Variants in TENM2 observed in about 807,000 individuals in gnomAD.
The protein encoded by TENM2 is teneurin-2.
A neutral mutation model predicts 245.2 loss-of-function variants in TENM2; 52 were observed. The ratio of observed to expected loss-of-function variants is 0.21; its 90% CI spans 0.17 to 0.27. The LOEUF (loss-of-function observed/expected upper bound fraction) is 0.27. Ranked by LOEUF, TENM2 falls within the 10% of genes least tolerant of loss-of-function variation. The probability of loss-of-function intolerance (pLI) is 1.00; values close to 1 mark genes in which losing one functional copy is unlikely to be tolerated. For synonymous variants in TENM2, 1,363 were observed against 1,438.9 expected (o/e 0.95, Z 1.19); for missense variants, 3,046 against 3,666.8 (o/e 0.83, Z 4.37).
chr5:168,082,981 G>A (rs772236615), intron 7 of TENM2, among the ~76,000 whole-genome samples: 9 of 152,190 alleles, frequency 5.9e-5, no homozygotes, highest in Non-Finnish European at 1.2e-4. Flanking sequence ...CTTCATAGCT[G>A]TCAGACAGGG....
At chr5:167,318,997 T>C (rs1007213029) in intron 1 of TENM2, among the ~76,000 whole-genome samples, 1 of 152,228 alleles carries the variant, frequency 6.6e-6, no homozygotes, top group African/African-American at 2.4e-5. Flanking sequence ...CAAAGGCAAC[T>C]TGTCATTCGA....
At chr5:168,058,088 A>C (rs1646212848) in intron 6 of TENM2, among the ~76,000 whole-genome samples, 1 of 152,208 alleles carries the variant, frequency 6.6e-6, no homozygotes. Flanking sequence ...GCATAATTAC[A>C]TAATGAGCGG....
intron 8 of TENM2, 76 bp from the exon 11 acceptor site, chr5:168,097,950 G>A (rs1226535133): frequency 9.4e-7 from 1 of 1,064,708 alleles, no homozygotes; most frequent in Non-Finnish European, 1.4e-6. Context: ...CTTTAAAAGT[G>A]GCAAGTTACT....
chr5:167,005,757 G>A, the TENM2 span, among the ~76,000 whole-genome samples: 1 of 148,128 alleles, frequency 6.8e-6, no homozygotes, highest in African/African-American at 2.5e-5. Flanking sequence ...TGCCTCCCGG[G>A]TTCAAGTGAT....
chr5:167,113,879 G>C, the TENM2 span, among the ~76,000 whole-genome samples: 3 of 152,128 alleles, frequency 2.0e-5, no homozygotes, highest in African/African-American at 7.2e-5. Flanking sequence ...AAGATGATGA[G>C]AATAAAACTT....
chr5:167,808,871 G>A (rs1766423674), intron 2 of TENM2, among the ~76,000 whole-genome samples: 1 of 152,112 alleles, frequency 6.6e-6, no homozygotes, highest in African/African-American at 2.4e-5. Flanking sequence ...CACAATATTT[G>A]TAAAGTGTCT....
intron 2 of TENM2, among the ~76,000 whole-genome samples, chr5:167,806,710 C>T (rs1218066957): frequency 1.3e-5 from 2 of 152,014 alleles, no homozygotes; most frequent in Non-Finnish European, 2.9e-5. Context: ...TTATAATTCA[C>T]CAAAATGGCT....
intron 7 of TENM2, among the ~76,000 whole-genome samples, chr5:168,081,169 C>T (rs575911265): frequency 6.6e-6 from 1 of 152,190 alleles, no homozygotes; most frequent in Non-Finnish European, 1.5e-5. Context: ...TGAATTGATC[C>T]CTTTACCATT....
chr5:167,239,236 G>A, the TENM2 span, among the ~76,000 whole-genome samples: 13 of 152,190 alleles, frequency 8.5e-5, no homozygotes, highest in East Asian at 2.1e-3. Flanking sequence ...TCCTAATTTG[G>A]ACTGTGTTGA....
At chr5:167,684,974 G>C (rs1756977186) in intron 2 of TENM2, among the ~76,000 whole-genome samples, 1 of 152,150 alleles carries the variant, frequency 6.6e-6, no homozygotes, top group Admixed American at 6.5e-5. Context: ...ATGGAATCTA[G>C]ACCACCAGCT....
At chr5:167,849,345 T>C (rs1182687476) in intron 2 of TENM2, among the ~76,000 whole-genome samples, 2 of 152,176 alleles carry the variant, frequency 1.3e-5, no homozygotes, top group African/African-American at 4.8e-5. Context: ...AAAAATTGTT[T>C]TTCCCCACTC....
intron 2 of TENM2, among the ~76,000 whole-genome samples, chr5:167,631,488 G>A (rs12653123): frequency 0.012 from 1,801 of 152,282 alleles, 101 homozygotes; most frequent in Admixed American, 0.093. Context: ...GGAGTAAGGA[G>A]CAGTGGGTAG....
At chr5:168,070,266 T>C (rs1790871017) in intron 7 of TENM2, among the ~76,000 whole-genome samples, 1 of 152,202 alleles carries the variant, frequency 6.6e-6, no homozygotes, top group Non-Finnish European at 1.5e-5. Flanking sequence ...GTTGCAAATA[T>C]AACCTGAATT....
At chr5:167,899,314 A>C (rs1169991327) in intron 3 of TENM2, among the ~76,000 whole-genome samples, 1 of 152,210 alleles carries the variant, frequency 6.6e-6, no homozygotes, top group Non-Finnish European at 1.5e-5. Flanking sequence ...TGGGTGCAGG[A>C]AAGGTCAATT....
At chr5:168,040,647 C>T (rs1458900436) in intron 5 of TENM2, among the ~76,000 whole-genome samples, 2 of 152,190 alleles carry the variant, frequency 1.3e-5, no homozygotes, top group Admixed American at 1.3e-4. Context: ...CCTTTTAAGA[C>T]TTAAGGCATT....
intron 19 of TENM2, among the ~76,000 whole-genome samples, chr5:168,209,701 T>G (rs1163470040): frequency 6.6e-6 from 1 of 152,236 alleles, no homozygotes; most frequent in Non-Finnish European, 1.5e-5. Flanking sequence ...TTGGAGTTAG[T>G]CCAAGGCAAA....
intron 2 of TENM2, among the ~76,000 whole-genome samples, chr5:167,796,753 T>C (rs549718724): frequency 6.6e-6 from 1 of 152,102 alleles, no homozygotes; most frequent in Non-Finnish European, 1.5e-5. Context: ...CGTAGGCTGG[T>C]AATAGCAACT....
chr5:167,856,962 T>C (rs1280967997), intron 2 of TENM2, among the ~76,000 whole-genome samples: 2 of 152,246 alleles, frequency 1.3e-5, no homozygotes, highest in Non-Finnish European at 2.9e-5. Context: ...TATTAATCAC[T>C]TTCTGTGCAC....
intron 2 of TENM2, among the ~76,000 whole-genome samples, chr5:167,471,982 G>T (rs1304420928): frequency 6.6e-6 from 1 of 152,150 alleles, no homozygotes; most frequent in Non-Finnish European, 1.5e-5. Context: ...TGCCAGTTAA[G>T]CTGGCTTGAG....
Sources: gnomAD v4.1 joint callset for allele counts (sites outside exome capture counted in the v4.1 genomes callset) on GRCh38, gnomAD v4.1.1 for gene constraint, MANE v1.5 for transcripts, NCBI Gene and HGNC (gene_info 2026-07-23, HGNC 2026-07-21) for gene names.